OPCML: variants seen among roughly 807,000 people sequenced by gnomAD.
OPCML encodes the protein opioid-binding protein/cell adhesion molecule.
Under a neutral mutation model 37.8 loss-of-function variants are expected in OPCML, and 13 were observed. That is an observed-to-expected ratio of 0.34 (90% CI 0.22 to 0.55). The LOEUF (loss-of-function observed/expected upper bound fraction) is 0.55, where lower values mean the gene tolerates loss of function less well. Among genes scored for constraint, OPCML ranks in the 20% least tolerant of loss-of-function variants. OPCML has a pLI of 0.91. For synonymous variants in OPCML, 176 were observed against 168.8 expected (o/e 1.04, Z -0.33); for missense variants, 341 against 435.6 (o/e 0.78, Z 1.93).
At chr11:132,903,364 A>G (rs1232688734) in intron 2 of OPCML, among the ~76,000 whole-genome samples, 1 of 152,186 alleles carries the variant, frequency 6.6e-6, no homozygotes, top group Non-Finnish European at 1.5e-5. Context: ...AGGAGTTACT[A>G]TTTCTCTCTT....
chr11:133,198,402 G>T (rs1484234412), intron 1 of OPCML, among the ~76,000 whole-genome samples: 2 of 152,206 alleles, frequency 1.3e-5, no homozygotes, highest in Non-Finnish European at 2.9e-5. Context: ...AGCAAGTAAA[G>T]AATCAGAACA....
intron 2 of OPCML, among the ~76,000 whole-genome samples, chr11:132,659,801 C>A (rs1319606168): frequency 6.6e-6 from 1 of 151,932 alleles, no homozygotes; most frequent in Non-Finnish European, 1.5e-5. Context: ...AATTCAGGAA[C>A]TAACTCTTTT....
chr11:132,736,289 T>G (rs528516813), intron 2 of OPCML, among the ~76,000 whole-genome samples: 87 of 152,340 alleles, frequency 5.7e-4, no homozygotes, highest in Non-Finnish European at 1.0e-3. Context: ...GGAAGCACAC[T>G]GAAGGACCAT....
chr11:133,194,050 TG>T (rs1389697071), intron 1 of OPCML, among the ~76,000 whole-genome samples: 1 of 152,178 alleles, frequency 6.6e-6, no homozygotes, highest in African/African-American at 2.4e-5. Context: ...GTCCACATTT[TG>T]TTCATTTTTT....
chr11:132,448,357 C>A (rs1371690331), intron 4 of OPCML, among the ~76,000 whole-genome samples: 1 of 152,234 alleles, frequency 6.6e-6, no homozygotes, highest in Non-Finnish European at 1.5e-5. Flanking sequence ...AAAGTACCCA[C>A]TAACCCAGGC....
chr11:133,095,036 C>T (rs1247357808), intron 1 of OPCML, among the ~76,000 whole-genome samples: 4 of 151,824 alleles, frequency 2.6e-5, no homozygotes, highest in Non-Finnish European at 5.9e-5. Flanking sequence ...ATTATATTCC[C>T]AAGGGGAAAT....
chr11:133,433,349 C>T (rs7934415), intron 1 of OPCML, among the ~76,000 whole-genome samples: 63,277 of 151,498 alleles, frequency 0.42, 17,366 homozygotes, highest in African/African-American at 0.79. Flanking sequence ...CGCATAATTA[C>T]ACACATATAT....
rs2096459640 is a variant in OPCML at position 132,580,277 on chromosome 11, G to A, written c.380-51091C>T. 2.0e-5 allele frequency among the ~76,000 whole-genome samples: 3 copies of A among 152,286 alleles called. No homozygotes were observed. The South Asian group carries it at 6.2e-4, about 32-fold the overall frequency. ...GAGACATATTGGTAAATTACAGAAT[G>A]TCCACTGGAGAAATATGACGAATCT... On this transcript the variant is annotated intron_variant, in intron 3 of 7. Transcript: ENST00000524381.
At chr11:133,422,670 T>C (rs1945916818) in intron 1 of OPCML, 16 of 983,774 alleles carry the variant, frequency 1.6e-5, no homozygotes, top group Non-Finnish European at 1.6e-5. Flanking sequence ...AATTTCCTTT[T>C]AATAATTATT....
intron 1 of OPCML, among the ~76,000 whole-genome samples, chr11:133,001,567 T>C (rs1434283315): frequency 6.6e-6 from 1 of 152,228 alleles, no homozygotes; most frequent in Non-Finnish European, 1.5e-5. Context: ...AGCCAATAAC[T>C]GACTGTTTTC....
intron 3 of OPCML, among the ~76,000 whole-genome samples, chr11:132,648,221 T>G (rs1941252385): frequency 6.6e-6 from 1 of 152,206 alleles, no homozygotes; most frequent in South Asian, 2.1e-4. Context: ...CATTAATCTA[T>G]CAGGAGAGTT....
chr11:132,774,267 C>A (rs969188499), intron 2 of OPCML, among the ~76,000 whole-genome samples: 11 of 152,194 alleles, frequency 7.2e-5, no homozygotes, highest in African/African-American at 2.4e-4. Flanking sequence ...CTGTTCTCAT[C>A]CACACACTGA....
chr11:133,450,158 A>T (rs1232607168), intron 1 of OPCML, among the ~76,000 whole-genome samples: 1 of 151,820 alleles, frequency 6.6e-6, no homozygotes, highest in African/African-American at 2.4e-5. Flanking sequence ...TCACTGCGAT[A>T]GTCAATTAAC....
At chr11:133,090,689 G>T (rs1948892446) in intron 1 of OPCML, among the ~76,000 whole-genome samples, 1 of 152,146 alleles carries the variant, frequency 6.6e-6, no homozygotes, top group African/African-American at 2.4e-5. Context: ...TGTTCAGGGT[G>T]CTGCACAGCT....
At chr11:132,624,944 TG>T (rs1939649445) in intron 3 of OPCML, among the ~76,000 whole-genome samples, 1 of 152,178 alleles carries the variant, frequency 6.6e-6, no homozygotes, top group African/African-American at 2.4e-5. Context: ...CAAATTTAAC[TG>T]GGTATCCTGT....
At chr11:133,168,918 C>T (rs1950250657) in intron 1 of OPCML, among the ~76,000 whole-genome samples, 1 of 144,762 alleles carries the variant, frequency 6.9e-6, no homozygotes, top group Non-Finnish European at 1.5e-5. Flanking sequence ...CACCTGAGGT[C>T]AGGAGTTCAA....
chr11:133,154,555 AAAT>A (rs938523847), intron 1 of OPCML, among the ~76,000 whole-genome samples: 47 of 151,988 alleles, frequency 3.1e-4, no homozygotes, highest in Admixed American at 6.6e-4. Flanking sequence ...CAGCATTAAA[AAAT>A]AATAATAATA....
chr11:133,489,579 GGTGT>G (rs1191787548), intron 1 of OPCML, among the ~76,000 whole-genome samples: 3 of 152,092 alleles, frequency 2.0e-5, no homozygotes, highest in Non-Finnish European at 4.4e-5. Flanking sequence ...AAAAACAACA[GGTGT>G]TAGTGAGGAT....
At chr11:132,939,727 C>T (rs550946823) in intron 2 of OPCML, among the ~76,000 whole-genome samples, 2 of 152,314 alleles carry the variant, frequency 1.3e-5, no homozygotes, top group East Asian at 1.9e-4. Context: ...ACCAGCTGAC[C>T]ACACTGAACA....
Sources: allele counts gnomAD v4.1 joint callset (sites outside exome capture counted in the v4.1 genomes callset), GRCh38; gene constraint gnomAD v4.1.1; transcripts MANE v1.5; gene names NCBI Gene and HGNC (gene_info 2026-07-23, HGNC 2026-07-21).